Variants in CAPN2 observed in about 807,000 individuals in gnomAD.
CAPN2 encodes the protein calpain 2, also known as calpain-2 catalytic subunit.
A neutral mutation model predicts 102.3 loss-of-function variants in CAPN2; 92 were observed. The observed-to-expected ratio is 0.90, with a 90% confidence interval of 0.76 to 1.07. CAPN2 has a LOEUF of 1.07. CAPN2 is among the 50% of genes least tolerant of loss of function. CAPN2 has a pLI of 0.00. For synonymous variants in CAPN2, 340 were observed against 355.4 expected (o/e 0.96, Z 0.49); for missense variants, 800 against 909.4 (o/e 0.88, Z 1.55).
At chr1:223,742,520 T>A (rs11802811) in intron 2 of CAPN2, among the ~76,000 whole-genome samples, 1,702 of 48,922 alleles carry the variant, frequency 0.035, 10 homozygotes, top group East Asian at 0.12. Context: ...ATATATATAT[T>A]TTTTTTTTTT....
chr1:223,718,127 G>A (rs1659931768), intron 2 of CAPN2, among the ~76,000 whole-genome samples: 1 of 152,210 alleles, frequency 6.6e-6, no homozygotes, highest in South Asian at 2.1e-4. Context: ...CCCTTGGTAT[G>A]CACCTCCTGG....
intron 2 of CAPN2, among the ~76,000 whole-genome samples, chr1:223,735,080 A>G (rs1660418298): frequency 6.6e-6 from 1 of 152,154 alleles, no homozygotes; most frequent in Admixed American, 6.5e-5. Context: ...CATCCATGGA[A>G]CCCCGGTTTC....
At chr1:223,749,742 T>C (rs1244438902) in intron 6 of CAPN2, among the ~76,000 whole-genome samples, 3 of 152,192 alleles carry the variant, frequency 2.0e-5, no homozygotes, top group Non-Finnish European at 2.9e-5. Context: ...TGGGCTGACA[T>C]GGTGGCTCAC....
chr1:223,712,959 G>T (rs1054888866), intron 1 of CAPN2, 82 bp downstream of exon 1: 3 of 1,045,348 alleles, frequency 2.9e-6, no homozygotes, highest in Non-Finnish European at 3.7e-6. Context: ...GCGCTGGGGC[G>T]GGGGGCAGCC....
chr1:223,742,901 A>T (rs1244234151), intron 2 of CAPN2, among the ~76,000 whole-genome samples: 3 of 152,156 alleles, frequency 2.0e-5, no homozygotes. Flanking sequence ...GCTACTTCCC[A>T]TTATTGTCAT....
chr1:223,764,306 T>C, intron 15 of CAPN2, 99 bp downstream of exon 15: 1 of 973,384 alleles, frequency 1.0e-6, no homozygotes, highest in South Asian at 1.3e-5. Context: ...CTGCTGTGAC[T>C]AAACCACCAC....
At chr1:223,772,050 CTT>C (rs1452154723) in intron 19 of CAPN2, 125 bp downstream of exon 19, 2 of 1,130,070 alleles carry the variant, frequency 1.8e-6, no homozygotes, top group Middle Eastern at 2.0e-4. Context: ...GAAATTCCCT[CTT>C]TACTAATTTG....
chr1:223,734,468 C>T (rs2102787452), intron 2 of CAPN2, among the ~76,000 whole-genome samples: 1 of 152,184 alleles, frequency 6.6e-6, no homozygotes, highest in South Asian at 2.1e-4. Context: ...CACTATTTAC[C>T]TTTATTTCTT....
chr1:223,711,307 T>C (rs1357105124), upstream of CAPN2, among the ~76,000 whole-genome samples: 1 of 152,180 alleles, frequency 6.6e-6, no homozygotes, highest in Non-Finnish European at 1.5e-5. Context: ...TCTGCCCATC[T>C]GCATTTCTTG....
At position 223,750,747 on chromosome 1, in the gene CAPN2, T is replaced by C. The variant is rs1033759242; in HGVS notation, c.814-143T>C. On this transcript the variant is annotated intron_variant, in intron 6 of 20. Coordinates refer to ENST00000295006, the MANE Select transcript of CAPN2 (RefSeq NM_001748.5). ...CTCTAGCTCTTGTGATCCTCCCTCA[T>C]ACATGGACTCAACCCCCAAATCCTC... 1.7e-5 allele frequency: 12 copies of C among 708,554 alleles called. No individual in the cohort carries two copies. The African/African-American group carries it at 1.9e-4, about 11-fold the overall frequency. 43.9% of individuals were successfully genotyped at this position (708,554 alleles called of 1,614,324 possible). A position where few individuals can be genotyped will look rare whatever the true frequency, so the allele number is the denominator to read the frequency against.
Position 223,731,062 on chromosome 1 carries a change from C to G in CAPN2, c.308-13038C>G, listed in dbSNP as rs772553019. ...AAGTTCAGATCATGTTGGGAGTCAG[C>G]TGGGAGTCAGTGTGAGGATCTGGGA... On this transcript the variant is annotated intron_variant, in intron 2 of 20. Coordinates refer to ENST00000295006, the MANE Select transcript of CAPN2 (RefSeq NM_001748.5). This position sits in a 1 kb window ranked among gnomAD's most constrained non-coding sequence, Gnocchi z 4.2. 3.9e-4 allele frequency among the ~76,000 whole-genome samples: 60 copies of G among 151,990 alleles called. No homozygotes were observed. The highest frequency in any genetic ancestry group is 5.6e-4 in the Non-Finnish European group (38 of 68,004).
intron 2 of CAPN2, among the ~76,000 whole-genome samples, chr1:223,742,376 G>C (rs1001511175): frequency 6.6e-6 from 1 of 151,798 alleles, no homozygotes; most frequent in Non-Finnish European, 1.5e-5. Context: ...TGGGTGACAA[G>C]AGCGAGACTG....
intron 16 of CAPN2, 109 bp downstream of exon 16, chr1:223,766,540 C>A: frequency 1.1e-6 from 1 of 876,180 alleles, no homozygotes; most frequent in Non-Finnish European, 1.9e-6. Flanking sequence ...CAGTTGTTCC[C>A]AACTTGCTGA....
At position 223,748,984 on chromosome 1, in the gene CAPN2, G is replaced by A. The variant is rs531008254; in HGVS notation, c.730-55G>A. On this transcript the variant is annotated intron_variant, in intron 5 of 20. Transcript: ENST00000295006. ...GCAGTAGGACAGAGGGAGCGAGGGA[G>A]TCCGGGAGGAAGGGAGAGCGGGTGC... is the stretch of plus-strand genomic sequence containing the variant. 79 of 1,505,324 alleles carry A rather than the reference G, an allele frequency of 5.2e-5. No homozygotes were observed. The African/African-American group carries it at 1.0e-3, about 20-fold the overall frequency. The allele number at this position is 1,505,324 out of a possible 1,614,324, so 93.2% of individuals were successfully genotyped here.
intron 15 of CAPN2, among the ~76,000 whole-genome samples, chr1:223,764,818 C>T (rs184883811): frequency 2.0e-5 from 3 of 152,318 alleles, no homozygotes; most frequent in Non-Finnish European, 2.9e-5. Flanking sequence ...GAACCCCTGG[C>T]CTCAAGTGAT....
In CAPN2 at chr1:223,771,866, AGC is replaced by A; in HGVS notation, c.1962_1963del (p.Gln654HisfsTer6). ...ATCGTTGCTCGGTTTGCAGATGACC[AGC>A]TCATCATCGATTTTGATAATTTTGT... On this transcript the variant is annotated frameshift_variant, in exon 19 of 21. Coordinates refer to ENST00000295006, the MANE Select transcript of CAPN2 (RefSeq NM_001748.5). LOFTEE classifies it high-confidence loss of function. 1 of 1,614,190 alleles carries A rather than the reference AGC, an allele frequency of 6.2e-7. No individual in the cohort carries two copies. Among genetic ancestry groups the A allele is most frequent in the Non-Finnish European group, 8.5e-7 (1 of 1,180,002 alleles).
chr1:223,712,530 G>A (rs940392143), upstream of CAPN2: 17 of 1,231,246 alleles, frequency 1.4e-5, no homozygotes, highest in African/African-American at 2.5e-4. Flanking sequence ...TCGCAGCGGC[G>A]GCGCCCGCAG....
chr1:223,769,652 G>A (rs977543995), intron 16 of CAPN2, among the ~76,000 whole-genome samples, 189 bp from the exon 17 acceptor site: 3 of 152,152 alleles, frequency 2.0e-5, no homozygotes, highest in Admixed American at 2.0e-4. Context: ...GAGCCAGCAG[G>A]TCTTTCTCGC....
intron 16 of CAPN2, among the ~76,000 whole-genome samples, chr1:223,767,538 C>T (rs529945003): frequency 0.021 from 3,149 of 151,266 alleles, 97 homozygotes; most frequent in African/African-American, 0.073. Context: ...TTTATGGCTG[C>T]ATAGTATTCC....
Sources: gnomAD v4.1 joint callset for allele counts (sites outside exome capture counted in the v4.1 genomes callset) on GRCh38, gnomAD v4.1.1 for gene constraint, Gnocchi (gnomAD v3.1) non-coding constraint, MANE v1.5 for transcripts, NCBI Gene and HGNC (gene_info 2026-07-23, HGNC 2026-07-21) for gene names.